Variants in GAREM1 observed in about 807,000 individuals in gnomAD.
The protein encoded by GAREM1 is GRB2 associated regulator of MAPK1 subtype 1, also known as GRB2-associated and regulator of MAPK protein 1.
A neutral mutation model predicts 71.3 loss-of-function variants in GAREM1; 26 were observed. That is an observed-to-expected ratio of 0.36 (90% CI 0.27 to 0.51). The LOEUF (loss-of-function observed/expected upper bound fraction) is 0.51. Among genes scored for constraint, GAREM1 ranks in the 20% least tolerant of loss-of-function variants. The probability of loss-of-function intolerance (pLI) is 0.95; values close to 1 mark genes in which losing one functional copy is unlikely to be tolerated. For synonymous variants in GAREM1, 440 were observed against 433.2 expected, an observed-to-expected ratio of 1.02 and a Z score of -0.20; for missense variants, 1,026 against 1,103.1, an observed-to-expected ratio of 0.93 and a Z score of 0.99.
At chr18:32,463,989 A>T (rs2048976215) in intron 1 of GAREM1, among the ~76,000 whole-genome samples, 1 of 65,544 alleles carries the variant, frequency 1.5e-5, no homozygotes, top group Non-Finnish European at 3.3e-5. Context: ...TACGTGGTTA[A>T]AAAAAAAAAA....
At chr18:32,305,933 A>G (rs2047250929) in intron 3 of GAREM1, among the ~76,000 whole-genome samples, 1 of 151,918 alleles carries the variant, frequency 6.6e-6, no homozygotes, top group African/African-American at 2.4e-5. Context: ...CTCTCATTAA[A>G]CTCAGCTCTC....
chr18:32,422,673 T>C (rs1382913731), intron 1 of GAREM1, among the ~76,000 whole-genome samples: 2 of 152,204 alleles, frequency 1.3e-5, no homozygotes, highest in East Asian at 3.8e-4. Context: ...AAAGGGATTT[T>C]ATTACTACAC....
At chr18:32,421,289 C>T (rs1011725727) in intron 1 of GAREM1, among the ~76,000 whole-genome samples, 1 of 152,154 alleles carries the variant, frequency 6.6e-6, no homozygotes, top group African/African-American at 2.4e-5. Context: ...AAGCACTCAA[C>T]AAAGCTTGGC....
At chr18:32,302,937 CA>C (rs1200815427) in intron 3 of GAREM1, among the ~76,000 whole-genome samples, 1 of 152,176 alleles carries the variant, frequency 6.6e-6, no homozygotes, top group African/African-American at 2.4e-5. Context: ...CAGCAGGTGC[CA>C]AAGCAGTAAT....
chr18:32,282,493 C>T (rs1335656414), intron 4 of GAREM1, among the ~76,000 whole-genome samples: 1 of 152,166 alleles, frequency 6.6e-6, no homozygotes, highest in Non-Finnish European at 1.5e-5. Context: ...GACACTGCCA[C>T]ACAAATGGTT....
intron 2 of GAREM1, among the ~76,000 whole-genome samples, chr18:32,322,466 C>T (rs752522311): frequency 3.3e-5 from 5 of 151,954 alleles, no homozygotes; most frequent in Admixed American, 6.5e-5. Context: ...AATCAATTCA[C>T]TTATTACCTA....
chr18:32,446,249 T>C lies in GAREM1; in HGVS notation c.121+24059A>G, dbSNP rs1346238. On this transcript the variant is annotated intron_variant, in intron 1 of 5. Coordinates refer to ENST00000269209, the MANE Select transcript of GAREM1 (RefSeq NM_001242409.2). Reference sequence around the variant, plus strand: ...GTGTGTGTGTGTGTGTGTGTGTGTGTGTGTATAACAACAGAATTGTTCACC... The same window carrying C: ...GTGTGTGTGTGTGTGTGTGTGTGTGCGTGTATAACAACAGAATTGTTCACC... 7.5e-3 allele frequency among the ~76,000 whole-genome samples: 1,138 copies of C among 151,962 alleles called. 10 individuals carry two copies. The highest frequency in any genetic ancestry group is 0.031 in the Middle Eastern group (9 of 294).
intron 4 of GAREM1, among the ~76,000 whole-genome samples, chr18:32,277,304 C>T (rs1046764378): frequency 1.3e-5 from 2 of 152,102 alleles, no homozygotes; most frequent in Non-Finnish European, 2.9e-5. Flanking sequence ...TGCCTGGGTA[C>T]GTATATGCAT....
intron 2 of GAREM1, among the ~76,000 whole-genome samples, chr18:32,371,897 T>C (rs2047983755): frequency 6.6e-6 from 1 of 152,028 alleles, no homozygotes; most frequent in Non-Finnish European, 1.5e-5. Flanking sequence ...CCACTAGATA[T>C]AGAAAGCAGG....
intron 1 of GAREM1, among the ~76,000 whole-genome samples, chr18:32,436,901 C>T (rs1414908367): frequency 2.0e-5 from 3 of 152,074 alleles, no homozygotes; most frequent in Non-Finnish European, 4.4e-5. Context: ...GCTGGGGGAC[C>T]TTAAGCAAGC....
At chr18:32,281,473 T>C (rs1439105425) in intron 4 of GAREM1, among the ~76,000 whole-genome samples, 2 of 152,222 alleles carry the variant, frequency 1.3e-5, no homozygotes, top group Non-Finnish European at 2.9e-5. Context: ...TACCAACCCA[T>C]CTTAAAACTT....
At chr18:32,392,769 C>A (rs2048215059) in intron 2 of GAREM1, 126 bp downstream of exon 2, 34 of 998,964 alleles carry the variant, frequency 3.4e-5, no homozygotes, top group Non-Finnish European at 4.8e-5. Flanking sequence ...TCAATAACCA[C>A]ACACAAATGT....
At chr18:32,302,227 C>T (rs1598943810) in intron 3 of GAREM1, among the ~76,000 whole-genome samples, 1 of 152,050 alleles carries the variant, frequency 6.6e-6, no homozygotes, top group South Asian at 2.1e-4. Flanking sequence ...TTCATATGAA[C>T]CAATGAAGTC....
At chr18:32,411,406 A>G (rs546522008) in intron 1 of GAREM1, among the ~76,000 whole-genome samples, 1 of 152,362 alleles carries the variant, frequency 6.6e-6, no homozygotes, top group South Asian at 2.1e-4. Context: ...AAATAAAACA[A>G]ACATAAAATA....
chr18:32,277,641 C>CCCAG (rs1250755577), intron 4 of GAREM1, among the ~76,000 whole-genome samples: 1 of 152,162 alleles, frequency 6.6e-6, no homozygotes, highest in Non-Finnish European at 1.5e-5. Context: ...CAGAATACTG[C>CCCAG]CCAGGGAGCT....
At chr18:32,446,073 A>G (rs2144283128) in intron 1 of GAREM1, among the ~76,000 whole-genome samples, 1 of 152,314 alleles carries the variant, frequency 6.6e-6, no homozygotes, top group African/African-American at 2.4e-5. Context: ...ACATTGAAAC[A>G]ATGATACACA....
chr18:32,432,166 T>C (rs1256998337), intron 1 of GAREM1, among the ~76,000 whole-genome samples: 1 of 152,192 alleles, frequency 6.6e-6, no homozygotes, highest in Non-Finnish European at 1.5e-5. Context: ...TACCACAGAC[T>C]ATTCTTTTCT....
intron 4 of GAREM1, among the ~76,000 whole-genome samples, chr18:32,272,814 G>A (rs1260219095): frequency 1.3e-5 from 2 of 152,186 alleles, no homozygotes; most frequent in African/African-American, 4.8e-5. Context: ...GTAGAAAGGG[G>A]GTTTCGCCAT....
At chr18:32,355,819 A>G (rs765138218) in intron 2 of GAREM1, among the ~76,000 whole-genome samples, 9 of 152,228 alleles carry the variant, frequency 5.9e-5, no homozygotes, top group Non-Finnish European at 1.2e-4. Flanking sequence ...CGAACTATTT[A>G]GGTCAATACA....
Sources: gnomAD v4.1 joint callset for allele counts (sites outside exome capture counted in the v4.1 genomes callset) on GRCh38, gnomAD v4.1.1 for gene constraint, MANE v1.5 for transcripts, NCBI Gene and HGNC (gene_info 2026-07-23, HGNC 2026-07-21) for gene names.